RGS7: variants seen among roughly 807,000 people sequenced by gnomAD.
RGS7 encodes regulator of G protein signaling 7.
In RGS7, 27 loss-of-function variants were observed where a neutral mutation model predicts 81.1. The observed-to-expected ratio is 0.33, with a 90% CI of 0.25 to 0.46. RGS7 has a LOEUF of 0.46. Among genes scored for constraint, RGS7 ranks in the 20% least tolerant of loss-of-function variants. RGS7 has a pLI of 1.00. For missense variants in RGS7, 396 were observed against 607.4 expected, an observed-to-expected ratio of 0.65 and a Z score of 3.66; for synonymous variants, 208 against 207.7, an observed-to-expected ratio of 1.00 and a Z score of -0.01.
intron 4 of RGS7, among the ~76,000 whole-genome samples, chr1:240,960,223 T>C (rs865985060): frequency 9.1e-6 from 1 of 110,000 alleles, no homozygotes; most frequent in African/African-American, 3.5e-5. Flanking sequence ...TCTTCTTTTT[T>C]TTTTTTTTTT....
intron 3 of RGS7, among the ~76,000 whole-genome samples, chr1:241,092,262 A>T (rs1282408358): frequency 6.6e-6 from 1 of 152,218 alleles, no homozygotes; most frequent in Non-Finnish European, 1.5e-5. Flanking sequence ...ACCACAAATG[A>T]AGCAACTATC....
intron 10 of RGS7, chr1:240,823,067 T>G (rs1692097891): frequency 8.1e-6 from 6 of 742,572 alleles, no homozygotes; most frequent in Non-Finnish European, 1.4e-5. Context: ...GCCTCCTCAA[T>G]GTCACCTGGA....
At chr1:241,234,802 T>C (rs2075841952) in intron 2 of RGS7, among the ~76,000 whole-genome samples, 1 of 151,912 alleles carries the variant, frequency 6.6e-6, no homozygotes, top group African/African-American at 2.4e-5. Flanking sequence ...GCCAAACACA[T>C]AGTAGTTACT....
intron 2 of RGS7, among the ~76,000 whole-genome samples, chr1:241,110,189 T>C (rs1406865071): frequency 6.6e-6 from 1 of 152,114 alleles, no homozygotes; most frequent in Non-Finnish European, 1.5e-5. Flanking sequence ...AAATTCAGAG[T>C]TAATGAACGA....
intron 2 of RGS7, among the ~76,000 whole-genome samples, chr1:241,115,864 C>T (rs1249748842): frequency 2.0e-5 from 3 of 152,058 alleles, no homozygotes; most frequent in African/African-American, 4.8e-5. Context: ...AATCTCATGT[C>T]GAACTGGAGG....
intron 3 of RGS7, among the ~76,000 whole-genome samples, chr1:241,016,247 C>G (rs144260428): frequency 2.6e-5 from 4 of 152,080 alleles, no homozygotes; most frequent in Non-Finnish European, 4.4e-5. Flanking sequence ...TGTCTGGGTG[C>G]GGTGGCTCAC....
chr1:240,958,191 C>T (rs2255120), intron 4 of RGS7, among the ~76,000 whole-genome samples: 152,160 of 152,350 alleles, frequency 1, 75,985 homozygotes, highest in Middle Eastern at 1. Context: ...TCTGAGAAGG[C>T]GAAATCTTTG....
intron 9 of RGS7, among the ~76,000 whole-genome samples, chr1:240,864,502 C>T (rs1662865168): frequency 6.6e-6 from 1 of 152,178 alleles, no homozygotes; most frequent in South Asian, 2.1e-4. Context: ...GGAAAGTCAA[C>T]AGTCTGACTT....
chr1:241,233,054 T>C (rs975076355), intron 2 of RGS7, among the ~76,000 whole-genome samples: 10 of 152,152 alleles, frequency 6.6e-5, no homozygotes, highest in African/African-American at 2.4e-4. Context: ...AGTCCCCACC[T>C]GCTACTCCAG....
intron 2 of RGS7, among the ~76,000 whole-genome samples, chr1:241,345,741 C>T (rs2082855153): frequency 1.3e-5 from 2 of 152,024 alleles, no homozygotes; most frequent in African/African-American, 2.4e-5. Context: ...AAATTTAATA[C>T]TTAAGGCCAG....
chr1:241,291,563 T>G (rs978592416), intron 2 of RGS7, among the ~76,000 whole-genome samples: 1 of 127,236 alleles, frequency 7.9e-6, no homozygotes, highest in Non-Finnish European at 1.6e-5. Context: ...GCTCAGAGAA[T>G]TCCCAGCTTT....
intron 6 of RGS7, among the ~76,000 whole-genome samples, chr1:240,888,206 C>G (rs1054045399): frequency 6.6e-6 from 1 of 152,192 alleles, no homozygotes; most frequent in African/African-American, 2.4e-5. Context: ...CACGTTAATT[C>G]TTCTGTCTAC....
chr1:241,313,202 T>G (rs756461190), intron 2 of RGS7, among the ~76,000 whole-genome samples: 6 of 152,222 alleles, frequency 3.9e-5, no homozygotes, highest in Admixed American at 6.5e-5. Context: ...TGCAGTAAGT[T>G]TTCCAAAAGA....
intron 3 of RGS7, among the ~76,000 whole-genome samples, chr1:240,999,741 C>A (rs963384676): frequency 1.3e-5 from 2 of 150,884 alleles, no homozygotes; most frequent in African/African-American, 4.9e-5. Flanking sequence ...GCTGGGACTA[C>A]AAGCATGTGC....
chr1:240,795,247 A>G (rs2103027508), intron 18 of RGS7, among the ~76,000 whole-genome samples: 1 of 152,018 alleles, frequency 6.6e-6, no homozygotes, highest in East Asian at 1.9e-4. Flanking sequence ...GTTAAAAATC[A>G]TTTGACCAGG....
Position 241,004,302 on chromosome 1 carries a change from C to T in RGS7, c.176-21173G>A, listed in dbSNP as rs773611554. Among the ~76,000 whole-genome samples, 44 of 152,214 alleles carry T rather than the reference C, an allele frequency of 2.9e-4. 1 individual carries two copies. The highest frequency in any genetic ancestry group is 4.1e-4 in the South Asian group (2 of 4,822). ...AATTCATTTTCCACCAATTTGTTCT[C>T]TCCTTTTGTTCATTCCACAATAATG... On this transcript the variant is annotated intron_variant, in intron 3 of 18. Coordinates refer to ENST00000440928, the MANE Select transcript of RGS7 (RefSeq NM_001364886.1).
chr1:240,841,442 C>T (rs1202330937), intron 9 of RGS7, among the ~76,000 whole-genome samples: 1 of 152,160 alleles, frequency 6.6e-6, no homozygotes, highest in East Asian at 1.9e-4. Context: ...ATACAACCAG[C>T]ACATCTCCAC....
intron 2 of RGS7, among the ~76,000 whole-genome samples, chr1:241,287,707 T>C (rs541128417): frequency 4.7e-4 from 71 of 151,842 alleles, no homozygotes; most frequent in African/African-American, 1.7e-3. Context: ...TCCTTAATTC[T>C]ATAGATACCT....
chr1:240,776,024 A>G lies in RGS7; in HGVS notation c.*196T>C. On this transcript the variant is annotated 3_prime_UTR_variant, in exon 19 of 19. Coordinates refer to ENST00000440928, the MANE Select transcript of RGS7 (RefSeq NM_001364886.1). ...GACGGAAGAGTCCATTGGAGATGGA[A>G]TGTACACACAAAAATAACAATTTAG... 1.4e-6 allele frequency: 1 copy of G among 737,608 alleles called. No individual in the cohort carries two copies. The allele number at this position is 737,608 out of a possible 1,614,324, so 45.7% of individuals were successfully genotyped here. A position where few individuals can be genotyped will look rare whatever the true frequency, so the allele number is the denominator to read the frequency against.
Sources: allele counts gnomAD v4.1 joint callset (sites outside exome capture counted in the v4.1 genomes callset), GRCh38; gene constraint gnomAD v4.1.1; transcripts MANE v1.5; gene names NCBI Gene and HGNC (gene_info 2026-07-23, HGNC 2026-07-21).